The following CNTNAP5 variants were observed in gnomAD, a reference collection of about 807,000 sequenced individuals.
CNTNAP5 encodes contactin associated protein family member 5, also known as contactin-associated protein-like 5.
A neutral mutation model predicts 150.2 loss-of-function variants in CNTNAP5; 72 were observed. The ratio of observed to expected loss-of-function variants is 0.48; its 90% CI spans 0.40 to 0.58. The LOEUF (loss-of-function observed/expected upper bound fraction) is 0.58, where lower values mean the gene tolerates loss of function less well. CNTNAP5 is among the 20% of genes least tolerant of loss of function. The probability of loss-of-function intolerance (pLI) is 0.00; values close to 1 mark genes in which losing one functional copy is unlikely to be tolerated. For missense variants in CNTNAP5, 1,636 were observed against 1,626.2 expected, an observed-to-expected ratio of 1.01 and a Z score of -0.10; for synonymous variants, 672 against 619.8, an observed-to-expected ratio of 1.08 and a Z score of -1.25.
At chr2:124,584,108 T>G (rs1245029531) in intron 11 of CNTNAP5, among the ~76,000 whole-genome samples, 1 of 152,104 alleles carries the variant, frequency 6.6e-6, no homozygotes, top group Non-Finnish European at 1.5e-5. Context: ...TTATAATAAA[T>G]ACAGGTATAC....
chr2:124,506,390 G>C (rs1008634460), intron 8 of CNTNAP5, among the ~76,000 whole-genome samples: 2 of 152,124 alleles, frequency 1.3e-5, no homozygotes, highest in Non-Finnish European at 2.9e-5. Flanking sequence ...TGAGCTCAGG[G>C]GAAGGGTGTG....
intron 13 of CNTNAP5, among the ~76,000 whole-genome samples, chr2:124,673,209 T>A (rs1311611216): frequency 1.3e-5 from 2 of 150,990 alleles, no homozygotes; most frequent in Non-Finnish European, 2.9e-5. Context: ...GTCTTAAGAG[T>A]CGAGTACACA....
At chr2:124,185,395 C>T (rs756251618) in intron 1 of CNTNAP5, among the ~76,000 whole-genome samples, 6 of 151,988 alleles carry the variant, frequency 3.9e-5, no homozygotes, top group Non-Finnish European at 5.9e-5. Flanking sequence ...TAGTATTAGG[C>T]GTATAAAAGA....
chr2:124,867,077 T>A (rs1677647948), intron 20 of CNTNAP5, among the ~76,000 whole-genome samples: 1 of 152,152 alleles, frequency 6.6e-6, no homozygotes, highest in South Asian at 2.1e-4. Context: ...TCAGATCTGA[T>A]ACCCTACTGA....
At position 124,417,598 on chromosome 2, in the gene CNTNAP5, C is replaced by T. The variant is rs1319198299; in HGVS notation, c.529+8C>T. On this transcript the variant is annotated splice_region_variant and intron_variant, in intron 4 of 23. Transcript: ENST00000682447. Reference sequence around the variant, plus strand: ...TCTACGGATGTTCCTATAGTAAGTACTCACATGTACCCTTTACCATTGCTG... The same window carrying T: ...TCTACGGATGTTCCTATAGTAAGTATTCACATGTACCCTTTACCATTGCTG... 5 of 1,611,354 alleles carry T rather than the reference C, an allele frequency of 3.1e-6. No individual in the cohort carries two copies. The Admixed American group carries it at 6.7e-5, about 22-fold the overall frequency.
chr2:124,149,808 G>A (rs1041527574), intron 1 of CNTNAP5, among the ~76,000 whole-genome samples: 2 of 152,094 alleles, frequency 1.3e-5, no homozygotes, highest in South Asian at 2.1e-4. Context: ...GCAGCTGGCC[G>A]GGCCAACTGT....
rs1030279570 is a variant in CNTNAP5 at position 124,237,995 on chromosome 2, C to T, written c.188-4205C>T. 7.2e-5 allele frequency among the ~76,000 whole-genome samples: 11 copies of T among 152,272 alleles called. No individual in the cohort carries two copies. The East Asian group carries it at 1.6e-3, about 21-fold the overall frequency. The stretch of plus-strand genomic sequence containing the variant: ...GGTTGGAGTGCAGTCTTTAGCCATA[C>T]ATCTGGGTTAGCTGCCTGGCCCATT... On this transcript the variant is annotated intron_variant, in intron 2 of 23. Coordinates refer to ENST00000682447, the MANE Select transcript of CNTNAP5 (RefSeq NM_001367498.1).
intron 12 of CNTNAP5, among the ~76,000 whole-genome samples, chr2:124,613,496 T>G (rs1184962428): frequency 2.0e-5 from 3 of 152,200 alleles, no homozygotes; most frequent in African/African-American, 7.2e-5. Context: ...TTGAGAATTC[T>G]CTGAGCTTTT....
At chr2:124,832,436 A>G (rs1390048585) in intron 19 of CNTNAP5, among the ~76,000 whole-genome samples, 1 of 152,150 alleles carries the variant, frequency 6.6e-6, no homozygotes, top group African/African-American at 2.4e-5. Context: ...TAGTTATGAG[A>G]TAGTAATATA....
chr2:124,652,682 C>T (rs985176043), intron 13 of CNTNAP5, among the ~76,000 whole-genome samples: 1 of 152,140 alleles, frequency 6.6e-6, no homozygotes, highest in Non-Finnish European at 1.5e-5. Flanking sequence ...GTGCCCAGAT[C>T]TCTGCTGGGA....
intron 3 of CNTNAP5, among the ~76,000 whole-genome samples, chr2:124,368,104 G>A (rs1294871288): frequency 6.6e-6 from 1 of 152,166 alleles, no homozygotes; most frequent in Non-Finnish European, 1.5e-5. Context: ...ACTAGCCCAT[G>A]CGTTAGCCTC....
intron 13 of CNTNAP5, among the ~76,000 whole-genome samples, chr2:124,723,819 C>T (rs1680097255): frequency 6.6e-6 from 1 of 152,110 alleles, no homozygotes. Flanking sequence ...CCCGCCCAAA[C>T]AGCGTCATTT....
chr2:124,095,102 C>T (rs1025000743), intron 1 of CNTNAP5, among the ~76,000 whole-genome samples: 2 of 152,094 alleles, frequency 1.3e-5, no homozygotes, highest in Admixed American at 1.3e-4. Flanking sequence ...CCCAAATGTC[C>T]ATCAATGATA....
intron 1 of CNTNAP5, among the ~76,000 whole-genome samples, chr2:124,172,190 T>C (rs1428623690): frequency 3.9e-5 from 6 of 152,184 alleles, no homozygotes; most frequent in Non-Finnish European, 4.4e-5. Flanking sequence ...CACATGAAGA[T>C]GGATGTGATA....
At chr2:124,350,811 T>C (rs938653964) in intron 3 of CNTNAP5, among the ~76,000 whole-genome samples, 2 of 152,194 alleles carry the variant, frequency 1.3e-5, no homozygotes, top group Non-Finnish European at 2.9e-5. Flanking sequence ...TATCATGAAG[T>C]CTTTGTGCAT....
chr2:124,830,670 A>G (rs1295494338), intron 19 of CNTNAP5, among the ~76,000 whole-genome samples: 1 of 152,036 alleles, frequency 6.6e-6, no homozygotes, highest in African/African-American at 2.4e-5. Flanking sequence ...ATATCAAGAA[A>G]AGCCAAGGCA....
At chr2:124,327,265 C>A (rs1243500937) in intron 3 of CNTNAP5, among the ~76,000 whole-genome samples, 1 of 152,038 alleles carries the variant, frequency 6.6e-6, no homozygotes, top group East Asian at 1.9e-4. Flanking sequence ...CAGGCATGAG[C>A]CACTGCGCCC....
At chr2:124,492,897 TATC>T (rs1244957211) in intron 7 of CNTNAP5, among the ~76,000 whole-genome samples, 5 of 152,172 alleles carry the variant, frequency 3.3e-5, no homozygotes, top group Admixed American at 6.5e-5. Context: ...TAATATATAA[TATC>T]ATGTCATCTA....
At position 124,918,164 on chromosome 2, in the gene CNTNAP5, A is replaced by G. The variant is rs1408709711; in HGVS notation, c.*3876A>G. Among the ~76,000 whole-genome samples the G allele has an allele frequency of 6.6e-6, 1 of 151,976 alleles. No individual in the cohort carries two copies. The highest frequency in any genetic ancestry group is 1.5e-5 in the Non-Finnish European group (1 of 67,960). ...GTCTTGCCTCCCATGAGTTGGACCT[A>G]AGAGTGTCCACTTTGGCCCCTCTCC... On this transcript the variant is annotated 3_prime_UTR_variant, in exon 24 of 24. Coordinates refer to ENST00000682447, the MANE Select transcript of CNTNAP5 (RefSeq NM_001367498.1).
Sources: gnomAD v4.1 joint callset for allele counts (sites outside exome capture counted in the v4.1 genomes callset) on GRCh38, gnomAD v4.1.1 for gene constraint, MANE v1.5 for transcripts, NCBI Gene and HGNC (gene_info 2026-07-23, HGNC 2026-07-21) for gene names.